TMEM225B: variants seen among roughly 807,000 people sequenced by gnomAD.
TMEM225B encodes transmembrane protein 225-like.
A neutral mutation model predicts 16.9 loss-of-function variants in TMEM225B; 10 were observed. That is an observed-to-expected ratio of 0.59 (90% CI 0.36 to 1.00). The LOEUF (loss-of-function observed/expected upper bound fraction) is 1.00. Ranked by LOEUF, TMEM225B falls within the 50% of genes least tolerant of loss-of-function variation. TMEM225B has a pLI of 0.01. For synonymous variants in TMEM225B, 92 were observed against 109.8 expected (o/e 0.84, Z 1.01); for missense variants, 217 against 267.0 (o/e 0.81, Z 1.30).
intron 2 of TMEM225B, among the ~76,000 whole-genome samples, chr7:99,600,690 G>A (rs1584298940): frequency 6.6e-6 from 1 of 152,138 alleles, no homozygotes; most frequent in Non-Finnish European, 1.5e-5. Flanking sequence ...AACTGCCCCC[G>A]TGATTCAATT....
At position 99,610,679 on chromosome 7, in the gene TMEM225B, G is replaced by C. The variant is rs10264022; in HGVS notation, c.*114G>C. The C allele has an allele frequency of 7.1e-6, 6 of 840,386 alleles. No homozygotes were observed. The highest frequency in any genetic ancestry group is 1.1e-5 in the Non-Finnish European group (6 of 554,278). 52.1% of individuals were successfully genotyped at this position (840,386 alleles called of 1,614,324 possible). A position where few individuals can be genotyped will look rare whatever the true frequency, so the allele number is the denominator to read the frequency against. ...TCTGTGCCTTTGAGGAGCTTCTTGC[G>C]TGTCAGATCAACTCTCCACCTCCCC... is the stretch of plus-strand genomic sequence containing the variant. On this transcript the variant is annotated 3_prime_UTR_variant, in exon 6 of 6. Transcript: ENST00000431679.
chr7:99,600,361 T>C (rs1228410383), intron 2 of TMEM225B, 76 bp downstream of exon 2: 10 of 696,888 alleles, frequency 1.4e-5, no homozygotes, highest in Non-Finnish European at 2.6e-5. Context: ...AGCTGCACTT[T>C]TCAGGGGAGT....
chr7:99,607,974 G>A (rs1320401951), intron 5 of TMEM225B, among the ~76,000 whole-genome samples, 164 bp downstream of exon 5: 1 of 152,220 alleles, frequency 6.6e-6, no homozygotes, highest in African/African-American at 2.4e-5. Flanking sequence ...ATAGTTATTG[G>A]CCAGATGTGG....
chr7:99,599,279 G>A (rs1584294974), intron 1 of TMEM225B, among the ~76,000 whole-genome samples: 1 of 152,084 alleles, frequency 6.6e-6, no homozygotes, highest in Admixed American at 6.6e-5. Flanking sequence ...CCGGCCCATG[G>A]GTCCTTTAAA....
At chr7:99,600,147 G>T in intron 1 of TMEM225B, 58 bp from the exon 2 acceptor site, 2 of 701,218 alleles carry the variant, frequency 2.9e-6, no homozygotes, top group Non-Finnish European at 5.2e-6. Flanking sequence ...AAGTAACCCC[G>T]GGCTGTGAAG....
Position 99,604,532 on chromosome 7 carries a change from C to CTTTTTCAGTGG in TMEM225B, c.145_155dup (p.Leu53PhefsTer45). On this transcript the variant is annotated frameshift_variant, in exon 3 of 6. Transcript: ENST00000431679. LOFTEE classifies it high-confidence loss of function. ...TGACAAACGAGGAGTCCCACGAAGT[C>CTTTTTCAGTGG]TTTTTCAGTGGCCTATTTGAGAACT... The CTTTTTCAGTGG allele has an allele frequency of 6.5e-7, 1 of 1,536,122 alleles. No homozygotes were observed. The highest frequency in any genetic ancestry group is 8.7e-7 in the Non-Finnish European group (1 of 1,146,906).
At chr7:99,601,324 G>T (rs975837799) in intron 2 of TMEM225B, among the ~76,000 whole-genome samples, 8 of 152,208 alleles carry the variant, frequency 5.3e-5, no homozygotes, top group Admixed American at 6.5e-5. Context: ...TGGGTGTGGT[G>T]GTTCAAGCCT....
intron 3 of TMEM225B, among the ~76,000 whole-genome samples, chr7:99,606,337 C>T (rs186184503): frequency 6.5e-4 from 99 of 152,216 alleles, no homozygotes; most frequent in Middle Eastern, 3.4e-3. Flanking sequence ...TGTGGTGGTA[C>T]ATGCCTGTGG....
intron 3 of TMEM225B, among the ~76,000 whole-genome samples, chr7:99,605,911 T>C (rs1410033812): frequency 6.6e-6 from 1 of 152,150 alleles, no homozygotes; most frequent in Non-Finnish European, 1.5e-5. Flanking sequence ...CTAGGAAAAT[T>C]AAATAAAGAT....
At chr7:99,601,444 T>G (rs1805353702) in intron 2 of TMEM225B, among the ~76,000 whole-genome samples, 1 of 152,036 alleles carries the variant, frequency 6.6e-6, no homozygotes, top group Non-Finnish European at 1.5e-5. Context: ...AATTAAAAAA[T>G]TAGCTGGGCG....
At chr7:99,608,858 T>TATATATATATATAC (rs536627768) in intron 5 of TMEM225B, among the ~76,000 whole-genome samples, 1,945 of 144,348 alleles carry the variant, frequency 0.013, 75 homozygotes, top group African/African-American at 0.05. Context: ...TATATATATA[T>TATATATATATATAC]ACACACACAC....
intron 1 of TMEM225B, among the ~76,000 whole-genome samples, chr7:99,598,829 G>A (rs1805078395): frequency 6.6e-6 from 1 of 152,224 alleles, no homozygotes; most frequent in South Asian, 2.1e-4. Flanking sequence ...TGGGAGGTGC[G>A]GGGCTGCAGC....
intron 4 of TMEM225B, among the ~76,000 whole-genome samples, chr7:99,607,186 GA>G (rs1318450369): frequency 3.9e-5 from 6 of 151,958 alleles, no homozygotes; most frequent in Admixed American, 3.9e-4. Flanking sequence ...TAGAGATGGG[GA>G]TCTCGCTATG....
chr7:99,599,027 T>G (rs1805097450), intron 1 of TMEM225B, among the ~76,000 whole-genome samples: 1 of 152,046 alleles, frequency 6.6e-6, no homozygotes, highest in Non-Finnish European at 1.5e-5. Flanking sequence ...TGGCACGATC[T>G]CGCCTCACTG....
chr7:99,603,620 A>G (rs1219360890), intron 2 of TMEM225B, among the ~76,000 whole-genome samples: 1 of 151,486 alleles, frequency 6.6e-6, no homozygotes, highest in Admixed American at 6.6e-5. Context: ...GGAACCTGGG[A>G]GGCAGAGGTT....
In TMEM225B at chr7:99,610,942, C is replaced by T. The variant is rs1379158602; in HGVS notation, c.*377C>T. The T allele has an allele frequency of 5.4e-5, 9 of 165,952 alleles. No individual in the cohort carries two copies. The highest frequency in any genetic ancestry group is 9.2e-5 in the Non-Finnish European group (7 of 76,318). The allele number at this position is 165,952 out of a possible 1,614,324, so 10.3% of individuals were successfully genotyped here. ...AACCGTACAGAATACAGAATATACT[C>T]GGGGGAATGACAACTATTTGGGCTG... On this transcript the variant is annotated 3_prime_UTR_variant, in exon 6 of 6. Coordinates refer to ENST00000431679, the MANE Select transcript of TMEM225B (RefSeq NM_001195541.3).
chr7:99,607,871 T>G, intron 5 of TMEM225B, 61 bp downstream of exon 5: 2 of 1,495,896 alleles, frequency 1.3e-6, no homozygotes, highest in South Asian at 2.5e-5. Context: ...GGAACCTGTC[T>G]TGTGGAGGCC....
In TMEM225B at chr7:99,600,212, A is replaced by C. The variant is rs1231891107; in HGVS notation, c.-77A>C. The stretch of plus-strand genomic sequence containing the variant: ...CTGTGTCTCTCTCCCTAGCAGTTCC[A>C]AGAGCCTCTGAGTTCCTGCCTTTTT... On this transcript the variant is annotated 5_prime_UTR_variant, in exon 2 of 6. Coordinates refer to ENST00000431679, the MANE Select transcript of TMEM225B (RefSeq NM_001195541.3). 4.3e-6 allele frequency: 3 copies of C among 703,008 alleles called. No individual in the cohort carries two copies. The South Asian group carries it at 4.4e-5, about 10-fold the overall frequency. 43.5% of individuals were successfully genotyped at this position (703,008 alleles called of 1,614,324 possible). A position where few individuals can be genotyped will look rare whatever the true frequency, so the allele number is the denominator to read the frequency against.
chr7:99,600,081 G>A (rs1009578904), intron 1 of TMEM225B, 124 bp from the exon 2 acceptor site: 14 of 644,052 alleles, frequency 2.2e-5, no homozygotes, highest in Non-Finnish European at 3.9e-5. Flanking sequence ...GAGAGTGGAG[G>A]GGGCAGTGGG....
Sources: gnomAD v4.1 joint callset for allele counts (sites outside exome capture counted in the v4.1 genomes callset) on GRCh38, gnomAD v4.1.1 for gene constraint, MANE v1.5 for transcripts, NCBI Gene and HGNC (gene_info 2026-07-23, HGNC 2026-07-21) for gene names.